Variants in GALNT10 observed in about 807,000 individuals in gnomAD.
GALNT10 encodes the protein polypeptide N-acetylgalactosaminyltransferase 10.
Under a neutral mutation model 75.0 loss-of-function variants are expected in GALNT10, and 41 were observed. The ratio of observed to expected loss-of-function variants is 0.55; its 90% CI spans 0.43 to 0.71. GALNT10 has a LOEUF of 0.71. GALNT10 is among the 30% of genes least tolerant of loss of function. The pLI, the probability that GALNT10 is intolerant of heterozygous loss-of-function variation, is 0.00. For synonymous variants in GALNT10, 302 were observed against 313.0 expected, an observed-to-expected ratio of 0.96 and a Z score of 0.37; for missense variants, 727 against 818.5, an observed-to-expected ratio of 0.89 and a Z score of 1.36.
At chr5:154,204,629 T>C (rs1290490305) in intron 1 of GALNT10, among the ~76,000 whole-genome samples, 3 of 152,142 alleles carry the variant, frequency 2.0e-5, no homozygotes, top group Admixed American at 1.3e-4. Flanking sequence ...TGCAGGACCT[T>C]TGCATGTGGT....
At chr5:154,218,519 C>T (rs911443394) in intron 1 of GALNT10, among the ~76,000 whole-genome samples, 3 of 152,020 alleles carry the variant, frequency 2.0e-5, no homozygotes, top group East Asian at 1.9e-4. Flanking sequence ...AAAGGTATGG[C>T]GATCAAAGTG....
rs868471118 is a variant in GALNT10 at position 154,256,900 on chromosome 5, T to C, written c.160-37916T>C. 2.0e-5 allele frequency among the ~76,000 whole-genome samples: 3 copies of C among 152,106 alleles called. No homozygotes were observed. The South Asian group carries it at 6.2e-4, about 32-fold the overall frequency. On this transcript the variant is annotated intron_variant, in intron 1 of 11. Transcript: ENST00000297107. ...AGAAAGGATTCTTTTGATTGGGCAG[T>C]GCTGAGCTGTTTCATCCATTAACTC...
intron 1 of GALNT10, among the ~76,000 whole-genome samples, chr5:154,283,920 G>A (rs963293992): frequency 1.3e-5 from 2 of 152,244 alleles, no homozygotes; most frequent in African/African-American, 4.8e-5. Context: ...TGATGGGTAA[G>A]CGCTGCTTGG....
At chr5:154,334,349 G>A (rs1754910796) in intron 4 of GALNT10, among the ~76,000 whole-genome samples, 1 of 152,170 alleles carries the variant, frequency 6.6e-6, no homozygotes, top group South Asian at 2.1e-4. Context: ...CTTTGCCAGG[G>A]GTCTCCACAA....
chr5:154,219,832 T>TCACACACACACACACACACACA (rs775014222), intron 1 of GALNT10, among the ~76,000 whole-genome samples: 5 of 80,222 alleles, frequency 6.2e-5, no homozygotes, highest in East Asian at 2.2e-3. Context: ...TCTCTCTCTC[T>TCACACACACACACACACACACA]CTCTCTCACA....
At chr5:154,364,884 G>T (rs1340053236) in intron 4 of GALNT10, among the ~76,000 whole-genome samples, 1 of 152,172 alleles carries the variant, frequency 6.6e-6, no homozygotes, top group East Asian at 1.9e-4. Flanking sequence ...AGTCCAAAGG[G>T]CCTGGTCTTC....
chr5:154,301,562 G>GT (rs371007487), intron 3 of GALNT10, among the ~76,000 whole-genome samples: 9,910 of 129,576 alleles, frequency 0.076, 416 homozygotes, highest in African/African-American at 0.12. Flanking sequence ...TTGTTTTTTT[G>GT]TTTTTTTTTT....
chr5:154,191,000 C>CGGCGGT lies in GALNT10; in HGVS notation c.139_144dup (p.Val47_Ala48dup). Reference sequence around the variant, plus strand: ...GACGGCACCCCTGGGGGATCGGGGGCGGCGGTGGCGCCGGCGGCGGGACAG... The same window carrying CGGCGGT: ...GACGGCACCCCTGGGGGATCGGGGGCGGCGGTGGCGGTGGCGCCGGCGGCGGGACAG... On this transcript the variant is annotated inframe_insertion, in exon 1 of 12. Coordinates refer to ENST00000297107, the MANE Select transcript of GALNT10 (RefSeq NM_198321.4). 6.7e-7 allele frequency: 1 copy of CGGCGGT among 1,482,732 alleles called. No homozygotes were observed. Among genetic ancestry groups the CGGCGGT allele is most frequent in the Non-Finnish European group, 9.0e-7 (1 of 1,114,942 alleles). The allele number at this position is 1,482,732 out of a possible 1,614,324, so 91.8% of individuals were successfully genotyped here.
At chr5:154,194,288 G>A (rs987568044) in intron 1 of GALNT10, among the ~76,000 whole-genome samples, 5 of 149,262 alleles carry the variant, frequency 3.3e-5, no homozygotes, top group African/African-American at 5.0e-5. Flanking sequence ...AGAACATCCA[G>A]AAATCAATGT....
intron 4 of GALNT10, among the ~76,000 whole-genome samples, chr5:154,342,050 G>T (rs77923178): frequency 6.6e-6 from 1 of 152,124 alleles, no homozygotes; most frequent in African/African-American, 2.4e-5. Context: ...GTACTGCACC[G>T]TGACAGGGCC....
rs532534245 is a variant in GALNT10 at position 154,404,243 on chromosome 5, G to A, written c.1164+32G>A. ...TGGTGGCTTTCCTTGGCGGGTAGAA[G>A]GGGTTGGCCTAGGACCATCAGCTGC... is the stretch of plus-strand genomic sequence containing the variant. On this transcript the variant is annotated intron_variant, in intron 8 of 11. Coordinates refer to ENST00000297107, the MANE Select transcript of GALNT10 (RefSeq NM_198321.4). 35 of 1,416,432 alleles carry A rather than the reference G, an allele frequency of 2.5e-5. No homozygotes were observed. The South Asian group carries it at 4.3e-4, about 17-fold the overall frequency. The allele number at this position is 1,416,432 out of a possible 1,614,324, so 87.7% of individuals were successfully genotyped here.
chr5:154,359,890 G>T (rs1436173379), intron 4 of GALNT10, among the ~76,000 whole-genome samples: 2 of 151,590 alleles, frequency 1.3e-5, no homozygotes, highest in Non-Finnish European at 2.9e-5. Context: ...TTGGTGGTGG[G>T]ACTAAAATTG....
intron 1 of GALNT10, 78 bp from the exon 2 acceptor site, chr5:154,294,738 C>T (rs1430210785): frequency 6.4e-6 from 5 of 777,256 alleles, no homozygotes; most frequent in African/African-American, 3.4e-5. Flanking sequence ...TACAAAGCTC[C>T]CTTAGGCAGT....
chr5:154,359,654 G>T (rs1463262727), intron 4 of GALNT10, among the ~76,000 whole-genome samples: 3 of 151,678 alleles, frequency 2.0e-5, no homozygotes, highest in African/African-American at 7.3e-5. Flanking sequence ...CCAGGGTATG[G>T]CTTCCTCTTT....
intron 1 of GALNT10, among the ~76,000 whole-genome samples, chr5:154,276,690 A>G (rs1390567514): frequency 6.6e-6 from 1 of 152,216 alleles, no homozygotes; most frequent in African/African-American, 2.4e-5. Context: ...ACTAGTTTAG[A>G]GTCCAGTAAG....
At chr5:154,381,413 C>T (rs928731402) in intron 6 of GALNT10, among the ~76,000 whole-genome samples, 14 of 152,230 alleles carry the variant, frequency 9.2e-5, no homozygotes, top group African/African-American at 3.1e-4. Flanking sequence ...ACAGTAGGCT[C>T]ACTGTCCCTG....
intron 1 of GALNT10, among the ~76,000 whole-genome samples, chr5:154,260,027 A>AAAACAAAC (rs146794110): frequency 2.6e-5 from 4 of 152,168 alleles, no homozygotes; most frequent in African/African-American, 9.7e-5. Context: ...ATGAAGGGAG[A>AAAACAAAC]AAACAAACAA....
chr5:154,268,317 G>T (rs685559), intron 1 of GALNT10, among the ~76,000 whole-genome samples: 9,794 of 152,166 alleles, frequency 0.064, 862 homozygotes, highest in African/African-American at 0.2. Flanking sequence ...ACCCACTCAT[G>T]GAGCTTCAGA....
At chr5:154,396,660 G>T (rs186518917) in intron 7 of GALNT10, among the ~76,000 whole-genome samples, 1 of 152,120 alleles carries the variant, frequency 6.6e-6, no homozygotes, top group Non-Finnish European at 1.5e-5. Flanking sequence ...TGCCTCCCTC[G>T]CTGGGTTGCT....
Sources: gnomAD v4.1 joint callset for allele counts (sites outside exome capture counted in the v4.1 genomes callset) on GRCh38, gnomAD v4.1.1 for gene constraint, MANE v1.5 for transcripts, NCBI Gene and HGNC (gene_info 2026-07-23, HGNC 2026-07-21) for gene names.